Variants in TNS1 observed in about 807,000 individuals in gnomAD.
TNS1 encodes the protein tensin 1.
Under a neutral mutation model 168.6 loss-of-function variants are expected in TNS1, and 62 were observed. That is an observed-to-expected ratio of 0.37 (90% CI 0.30 to 0.45). TNS1 has a LOEUF of 0.45. TNS1 is among the 20% of genes least tolerant of loss of function. The pLI, the probability that TNS1 is intolerant of heterozygous loss-of-function variation, is 1.00. For synonymous variants in TNS1, 934 were observed against 933.2 expected (o/e 1.00, Z -0.02); for missense variants, 2,240 against 2,339.4 (o/e 0.96, Z 0.88).
intron 22 of TNS1, among the ~76,000 whole-genome samples, chr2:217,828,568 C>T (rs375605584): frequency 1.6e-4 from 25 of 152,304 alleles, no homozygotes; most frequent in African/African-American, 5.5e-4. Context: ...GGCCTCCCGC[C>T]CAGGCTGGCA....
chr2:217,910,136 A>G (rs985462133), intron 4 of TNS1, among the ~76,000 whole-genome samples: 2 of 152,050 alleles, frequency 1.3e-5, no homozygotes, highest in African/African-American at 4.8e-5. Context: ...GCTGAAGTCA[A>G]TATTAGAAAC....
chr2:218,024,684 G>A (rs974109825), intron 1 of TNS1, among the ~76,000 whole-genome samples: 17 of 152,164 alleles, frequency 1.1e-4, no homozygotes, highest in African/African-American at 3.9e-4. Flanking sequence ...GACACCCAAG[G>A]TTATTGTCAG....
intron 3 of TNS1, among the ~76,000 whole-genome samples, chr2:217,928,672 A>AAGGCCCC (rs369811795): frequency 8.5e-5 from 13 of 152,154 alleles, no homozygotes; most frequent in African/African-American, 3.1e-4. Context: ...CTGACTCACC[A>AAGGCCCC]AGGCCCCAGG....
At chr2:217,832,325 G>T (rs1944555472) in intron 21 of TNS1, among the ~76,000 whole-genome samples, 1 of 152,174 alleles carries the variant, frequency 6.6e-6, no homozygotes, top group African/African-American at 2.4e-5. Context: ...GGTCAGAAAG[G>T]GCTGCTGGCT....
intron 18 of TNS1, among the ~76,000 whole-genome samples, chr2:217,854,632 C>T (rs1298901003): frequency 6.6e-6 from 1 of 152,200 alleles, no homozygotes; most frequent in African/African-American, 2.4e-5. Flanking sequence ...GAATCCAAGG[C>T]CACGTGCATC....
chr2:217,935,011 G>T (rs1261049415), intron 3 of TNS1, among the ~76,000 whole-genome samples: 1 of 152,250 alleles, frequency 6.6e-6, no homozygotes, highest in East Asian at 1.9e-4. Context: ...AAGTCACACA[G>T]TGCCAAAAGG....
intron 3 of TNS1, among the ~76,000 whole-genome samples, chr2:217,961,478 AGCCAAGCCCTTG>A (rs928552414): frequency 2.0e-5 from 3 of 152,110 alleles, no homozygotes; most frequent in Non-Finnish European, 4.4e-5. Flanking sequence ...AAGTACCTGA[AGCCAAGCCCTTG>A]GCTTTCTCAC....
At chr2:217,882,554 A>T in intron 16 of TNS1, 143 bp from the exon 17 acceptor site, 1 of 532,368 alleles carries the variant, frequency 1.9e-6, no homozygotes, top group Non-Finnish European at 3.2e-6. Context: ...TTATACATAT[A>T]TACATGAAAT....
At chr2:217,883,707 T>G (rs1269101398) in intron 16 of TNS1, among the ~76,000 whole-genome samples, 1 of 152,242 alleles carries the variant, frequency 6.6e-6, no homozygotes, top group Non-Finnish European at 1.5e-5. Context: ...TATTTTTCCT[T>G]GTTAAGACTG....
intron 3 of TNS1, among the ~76,000 whole-genome samples, chr2:217,928,316 G>A (rs1956141447): frequency 6.6e-6 from 1 of 152,246 alleles, no homozygotes; most frequent in Non-Finnish European, 1.5e-5. Context: ...CTGGAGAGAA[G>A]GTGGCCACTG....
intron 32 of TNS1, among the ~76,000 whole-genome samples, chr2:217,807,519 G>A: frequency 6.6e-6 from 1 of 152,096 alleles, no homozygotes; most frequent in East Asian, 1.9e-4. Context: ...TGTGCCAATG[G>A]GCCTCCTGAG....
chr2:217,860,177 C>G (rs915188639), intron 18 of TNS1, among the ~76,000 whole-genome samples: 1 of 152,224 alleles, frequency 6.6e-6, no homozygotes, highest in Non-Finnish European at 1.5e-5. Flanking sequence ...CACAGCCCAA[C>G]TACTCCCTGT....
At chr2:217,926,859 C>G (rs1172874874) in intron 3 of TNS1, among the ~76,000 whole-genome samples, 1 of 152,252 alleles carries the variant, frequency 6.6e-6, no homozygotes, top group Non-Finnish European at 1.5e-5. Context: ...AGGGCTCACC[C>G]AGGTCTGCTG....
intron 3 of TNS1, among the ~76,000 whole-genome samples, chr2:217,959,582 G>A (rs913659812): frequency 6.6e-6 from 1 of 152,128 alleles, no homozygotes; most frequent in African/African-American, 2.4e-5. Context: ...ACCCTAGCCT[G>A]GAACCCGGTG....
At chr2:217,902,380 A>G (rs1188538033) in intron 6 of TNS1, among the ~76,000 whole-genome samples, 2 of 152,122 alleles carry the variant, frequency 1.3e-5, no homozygotes, top group Non-Finnish European at 2.9e-5. Flanking sequence ...GGAAGCCACA[A>G]CGGTAGCCAA....
chr2:217,893,444 T>C lies in TNS1; in HGVS notation c.712A>G (p.Asn238Asp), dbSNP rs1356455139. 2 of 1,603,218 alleles carry C rather than the reference T, an allele frequency of 1.2e-6. No individual in the cohort carries two copies. The highest frequency in any genetic ancestry group is 1.7e-6 in the Non-Finnish European group (2 of 1,173,050). Residue 238 changes from asparagine to aspartate, a missense_variant, in exon 10 of 33, where the codon AAC (asparagine) becomes GAC (aspartate). By Grantham distance (23) the Asn-to-Asp change is conservative. Transcript: ENST00000682258. ...ADPHNVVVLHNKGNRGRIGVV... is the reference protein window; with the variant it reads ...ADPHNVVVLHDKGNRGRIGVV... The stretch of plus-strand genomic sequence containing the variant: ...CACACACACACAGCTCTGACCTTGT[T>C]GTGTAGAACAACGACATTGTGAGGG...
At chr2:217,885,697 A>T (rs535838298) in intron 15 of TNS1, 47 bp downstream of exon 15, 1 of 1,573,158 alleles carries the variant, frequency 6.4e-7, no homozygotes, top group Non-Finnish European at 8.7e-7. Flanking sequence ...AAAAGAAGGG[A>T]GAGAAAATAA....
intron 3 of TNS1, among the ~76,000 whole-genome samples, chr2:217,940,858 AC>A (rs150082864): frequency 0.028 from 4,243 of 152,062 alleles, 79 homozygotes; most frequent in Non-Finnish European, 0.037. Flanking sequence ...GGAAGCCCAA[AC>A]CTGTTTGGTT....
chr2:217,804,626 G>C, intron 32 of TNS1, 23 bp from the exon 33 acceptor site: 1 of 1,613,332 alleles, frequency 6.2e-7, no homozygotes, highest in Non-Finnish European at 8.5e-7. Flanking sequence ...GAGGGCAACG[G>C]GCATGAGGGA....
Sources: gnomAD v4.1 joint callset for allele counts (sites outside exome capture counted in the v4.1 genomes callset) on GRCh38, gnomAD v4.1.1 for gene constraint, MANE v1.5 for transcripts, NCBI Gene and HGNC (gene_info 2026-07-23, HGNC 2026-07-21) for gene names.